KRAS: variants seen among roughly 807,000 people sequenced by gnomAD.
KRAS encodes KRas proto-oncogene, GTPase, also known as GTPase KRas.
In KRAS, 1 loss-of-function variant was observed where a neutral mutation model predicts 21.0. The ratio of observed to expected loss-of-function variants is 0.05; its 90% CI spans 0.02 to 0.23. The LOEUF (loss-of-function observed/expected upper bound fraction) is 0.23, where lower values mean the gene tolerates loss of function less well. Ranked by LOEUF, KRAS falls within the 10% of genes least tolerant of loss-of-function variation. KRAS has a pLI of 1.00. For missense variants in KRAS, 107 were observed against 221.8 expected, an observed-to-expected ratio of 0.48 and a Z score of 3.29; for synonymous variants, 67 against 72.5, an observed-to-expected ratio of 0.92 and a Z score of 0.39.
At chr12:25,250,124 C>T (rs1378735967) in intron 1 of KRAS, among the ~76,000 whole-genome samples, 1 of 152,044 alleles carries the variant, frequency 6.6e-6, no homozygotes, top group Non-Finnish European at 1.5e-5. Context: ...AACACAATAA[C>T]CTCAAACAGT....
chr12:25,244,423 T>TA (rs772245820), intron 2 of KRAS, among the ~76,000 whole-genome samples: 1 of 152,182 alleles, frequency 6.6e-6, no homozygotes, highest in Non-Finnish European at 1.5e-5. Context: ...AAATTACATG[T>TA]AAAATATGCT....
chr12:25,228,290 A>T (rs1045990051), intron 2 of KRAS, among the ~76,000 whole-genome samples: 1 of 138,246 alleles, frequency 7.2e-6, no homozygotes, highest in African/African-American at 2.7e-5. Context: ...TGTTGGGATT[A>T]CAAGCATGAG....
chr12:25,229,137 T>A (rs1047871256), intron 2 of KRAS, among the ~76,000 whole-genome samples: 7 of 152,040 alleles, frequency 4.6e-5, no homozygotes, highest in South Asian at 2.1e-4. Context: ...CAAAAAAAAA[T>A]TTTTTAAAGG....
rs1292465413 is a variant in KRAS at position 25,208,609 on chromosome 12, A to G, written c.*1186T>C. On this transcript the variant is annotated 3_prime_UTR_variant, in exon 5 of 5. Coordinates refer to ENST00000311936, the MANE Select transcript of KRAS (RefSeq NM_004985.5). ...AAAAGAGTTTGTTTTCTTAAGAAAC[A>G]AAAGCAATGCTCTTGATTTGTCAGC... The G allele has an allele frequency of 4.3e-6, 1 of 233,186 alleles. No individual in the cohort carries two copies. The highest frequency in any genetic ancestry group is 5.6e-5 in the Admixed American group (1 of 17,780). 14.4% of individuals were successfully genotyped at this position (233,186 alleles called of 1,614,324 possible).
intron 2 of KRAS, among the ~76,000 whole-genome samples, chr12:25,236,721 G>C (rs1407326281): frequency 1.3e-5 from 2 of 151,994 alleles, no homozygotes; most frequent in Admixed American, 6.6e-5. Flanking sequence ...GACAAAATCT[G>C]AACTAAGGCA....
At chr12:25,246,885 C>T (rs1031496999) in intron 1 of KRAS, among the ~76,000 whole-genome samples, 1 of 150,988 alleles carries the variant, frequency 6.6e-6, no homozygotes, top group Admixed American at 6.6e-5. Flanking sequence ...CCACTGCACT[C>T]CAGCCTGGGC....
Position 25,205,685 on chromosome 12 carries a change from G to A in KRAS, c.*4110C>T, listed in dbSNP as rs1463712319. ...CACTGTAACCCAGTTAGCTCTGTGGGGGTGTGGGGGGAGAGATGGGCCCTC... is the reference window on the plus strand; with the variant it reads ...CACTGTAACCCAGTTAGCTCTGTGGAGGTGTGGGGGGAGAGATGGGCCCTC... On this transcript the variant is annotated 3_prime_UTR_variant, in exon 5 of 5. Coordinates refer to ENST00000311936, the MANE Select transcript of KRAS (RefSeq NM_004985.5). 8.9e-6 allele frequency: 2 copies of A among 224,436 alleles called. No individual in the cohort carries two copies. Among genetic ancestry groups the A allele is most frequent in the African/African-American group, 2.2e-5 (1 of 44,764 alleles). The allele number at this position is 224,436 out of a possible 1,614,324, so 13.9% of individuals were successfully genotyped here. A position where few individuals can be genotyped will look rare whatever the true frequency, so the allele number is the denominator to read the frequency against.
At chr12:25,213,626 T>C (rs1951222577) in intron 4 of KRAS, among the ~76,000 whole-genome samples, 1 of 152,196 alleles carries the variant, frequency 6.6e-6, no homozygotes, top group Non-Finnish European at 1.5e-5. Flanking sequence ...TGGGATTGAG[T>C]CTACTATTCA....
intron 2 of KRAS, among the ~76,000 whole-genome samples, chr12:25,244,707 G>C (rs1014014931): frequency 6.6e-6 from 1 of 151,774 alleles, no homozygotes; most frequent in Non-Finnish European, 1.5e-5. Flanking sequence ...GTATTTCCTT[G>C]AGTAAATTTA....
chr12:25,212,920 A>G (rs1237293499), intron 4 of KRAS, among the ~76,000 whole-genome samples: 1 of 151,958 alleles, frequency 6.6e-6, no homozygotes, highest in African/African-American at 2.4e-5. Flanking sequence ...TTTTTAAGAG[A>G]TGGAGTCTCT....
In KRAS at chr12:25,209,070, T is replaced by G. The variant is rs1334468365; in HGVS notation, c.*725A>C. On this transcript the variant is annotated 3_prime_UTR_variant, in exon 5 of 5. Coordinates refer to ENST00000311936, the MANE Select transcript of KRAS (RefSeq NM_004985.5). ...TGCTATAATAATCCCCATTTCATACTGGGTCTGCCTTAACAGGAAAAGCTA... is the reference window on the plus strand; with the variant it reads ...TGCTATAATAATCCCCATTTCATACGGGGTCTGCCTTAACAGGAAAAGCTA... The G allele has an allele frequency of 7.2e-6, 3 of 415,886 alleles. No individual in the cohort carries two copies. The highest frequency in any genetic ancestry group is 1.3e-5 in the Non-Finnish European group (3 of 236,392). The allele number at this position is 415,886 out of a possible 1,614,324, so 25.8% of individuals were successfully genotyped here.
intron 4 of KRAS, among the ~76,000 whole-genome samples, chr12:25,220,398 A>G (rs1951305306): frequency 6.6e-6 from 1 of 152,218 alleles, no homozygotes; most frequent in Non-Finnish European, 1.5e-5. Context: ...ATTATAAGTT[A>G]TTAAGTTGGT....
rs1049439569 is a variant in KRAS, at chr12:25,205,434, A to G, written c.*4361T>C. The G allele has an allele frequency of 1.4e-5, 3 of 214,760 alleles. No individual in the cohort carries two copies. Among genetic ancestry groups the G allele is most frequent in the Admixed American group, 5.9e-5 (1 of 17,088 alleles). The allele number at this position is 214,760 out of a possible 1,614,324, so 13.3% of individuals were successfully genotyped here. On this transcript the variant is annotated 3_prime_UTR_variant, in exon 5 of 5. Coordinates refer to ENST00000311936, the MANE Select transcript of KRAS (RefSeq NM_004985.5). Reference sequence around the variant, plus strand: ...ATTCCTAGGTCAGCGCAACCAAATGATGGAAAACAACTGGATCACACTGCA... The same window carrying G: ...ATTCCTAGGTCAGCGCAACCAAATGGTGGAAAACAACTGGATCACACTGCA...
intron 4 of KRAS, among the ~76,000 whole-genome samples, chr12:25,213,345 A>G (rs1177097101): frequency 6.6e-6 from 1 of 152,208 alleles, no homozygotes; most frequent in Non-Finnish European, 1.5e-5. Flanking sequence ...TGGTGAGACA[A>G]TAGGAGGAGA....
intron 2 of KRAS, among the ~76,000 whole-genome samples, chr12:25,238,753 C>T (rs936932448): frequency 1.3e-5 from 2 of 152,180 alleles, no homozygotes; most frequent in Admixed American, 6.5e-5. Flanking sequence ...TTTCCAACAA[C>T]TATGTAATTT....
intron 4 of KRAS, chr12:25,215,605 A>G: frequency 6.6e-7 from 1 of 1,520,144 alleles, no homozygotes; most frequent in Non-Finnish European, 9.1e-7. Context: ...TGCATTGGTA[A>G]GAGTAATTTA....
At chr12:25,221,644 C>T (rs1951327396) in intron 4 of KRAS, among the ~76,000 whole-genome samples, 1 of 152,036 alleles carries the variant, frequency 6.6e-6, no homozygotes, top group Admixed American at 6.6e-5. Flanking sequence ...AAGCCTAAAA[C>T]ATTTACTATC....
chr12:25,228,768 T>A (rs1230378529), intron 2 of KRAS, among the ~76,000 whole-genome samples: 1 of 152,122 alleles, frequency 6.6e-6, no homozygotes, highest in East Asian at 1.9e-4. Flanking sequence ...CACTTAAAAT[T>A]AACTACCATG....
chr12:25,232,004 C>T (rs187995827), intron 2 of KRAS, among the ~76,000 whole-genome samples: 3,951 of 152,160 alleles, frequency 0.026, 122 homozygotes, highest in East Asian at 0.092. Flanking sequence ...TTCCAAGACC[C>T]CCCCAGCCTC....
Sources: allele counts gnomAD v4.1 joint callset (sites outside exome capture counted in the v4.1 genomes callset), GRCh38; gene constraint gnomAD v4.1.1; transcripts MANE v1.5; gene names NCBI Gene and HGNC (gene_info 2026-07-23, HGNC 2026-07-21).